MAOB: variants seen among roughly 807,000 people sequenced by gnomAD.
MAOB encodes the protein amine oxidase [flavin-containing] B.
MAOB carries 15 observed loss-of-function variants against 41.9 expected under a neutral mutation model. The ratio of observed to expected loss-of-function variants is 0.36; its 90% CI spans 0.24 to 0.55. The LOEUF is 0.55. MAOB is among the 20% of genes least tolerant of loss of function. MAOB has a pLI of 0.86. For synonymous variants in MAOB, 167 were observed against 144.2 expected, an observed-to-expected ratio of 1.16 and a Z score of -1.13; for missense variants, 345 against 398.7, an observed-to-expected ratio of 0.87 and a Z score of 1.15.
chrX:43,839,080 A>G, intron 2 of MAOB, 75 bp from the exon 3 acceptor site: 2 of 800,244 alleles, frequency 2.5e-6, no homozygotes, highest in East Asian at 3.7e-5. Flanking sequence ...TCCTGAAATA[A>G]GCAAATCGAC....
At position 43,877,955 on chromosome X, in the gene MAOB, GT is replaced by G. The variant is rs993994097; in HGVS notation, c.46+4298del. Among the ~76,000 whole-genome samples, 12 of 112,446 alleles carry G rather than the reference GT, an allele frequency of 1.1e-4. No homozygotes were observed. In the Admixed American group the frequency reaches 1.1e-3, roughly 11 times the overall value. On this transcript the variant is annotated intron_variant, in intron 1 of 14. Coordinates refer to ENST00000378069, the MANE Select transcript of MAOB (RefSeq NM_000898.5). The stretch of plus-strand genomic sequence containing the variant: ...AAGAAGTGATTACATAGAAATGCCT[GT>G]TTTTGCTCCCTTAGATTGAAAAACT...
At chrX:43,812,081 G>A (rs762697450) in intron 3 of MAOB, among the ~76,000 whole-genome samples, 2 of 111,953 alleles carry the variant, frequency 1.8e-5, no homozygotes, top group Non-Finnish European at 3.8e-5. Flanking sequence ...CCACAAATAA[G>A]TGAGAACATG....
At chrX:43,821,202 G>A (rs1392673755) in intron 3 of MAOB, among the ~76,000 whole-genome samples, 1 of 111,911 alleles carries the variant, frequency 8.9e-6, no homozygotes, top group Admixed American at 9.5e-5. Context: ...GTAGAAGAAA[G>A]CTCAGAGCTT....
At chrX:43,856,653 C>A (rs188604604) in intron 1 of MAOB, among the ~76,000 whole-genome samples, 1 of 111,546 alleles carries the variant, frequency 9.0e-6, no homozygotes, top group Admixed American at 9.5e-5. Context: ...TTATATACTG[C>A]ATTCTTACAA....
rs1039932076 is a variant in MAOB at position 43,767,067 on chromosome X, C to T, written c.*399G>A. 4.5e-5 allele frequency: 6 copies of T among 133,004 alleles called. No homozygotes were observed. The highest frequency in any genetic ancestry group is 3.0e-4 in the South Asian group (1 of 3,280). 11.0% of individuals were successfully genotyped at this position (133,004 alleles called of 1,213,427 possible). ...CTGTAACAATACAGTATTCTAAGGA[C>T]GAATGCAAAGAACTAGGGAAGGTGA... On this transcript the variant is annotated 3_prime_UTR_variant, in exon 15 of 15. Coordinates refer to ENST00000378069, the MANE Select transcript of MAOB (RefSeq NM_000898.5).
rs992714706 is a variant in MAOB, at chrX:43,767,257, C to T, written c.*209G>A. The T allele has an allele frequency of 1.9e-5, 7 of 360,309 alleles. No homozygotes were observed. The highest frequency in any genetic ancestry group is 1.8e-4 in the African/African-American group (7 of 38,468). The allele number at this position is 360,309 out of a possible 1,213,427, so 29.7% of individuals were successfully genotyped here. Reference sequence around the variant, plus strand: ...GCAATAAACTTGGAAACTGGTGAAACAGAACGCTAAGCCAGGTAAGGGACA... The same window carrying T: ...GCAATAAACTTGGAAACTGGTGAAATAGAACGCTAAGCCAGGTAAGGGACA... On this transcript the variant is annotated 3_prime_UTR_variant, in exon 15 of 15. Coordinates refer to ENST00000378069, the MANE Select transcript of MAOB (RefSeq NM_000898.5).
chrX:43,800,126 C>T (rs752403539), intron 5 of MAOB, among the ~76,000 whole-genome samples: 2 of 111,083 alleles, frequency 1.8e-5, no homozygotes, highest in African/African-American at 6.5e-5. Flanking sequence ...TTCTTATACT[C>T]CTAGTATCTC....
chrX:43,861,856 CGTGTGTGTGTGTGTGT>C (rs112289658), intron 1 of MAOB, among the ~76,000 whole-genome samples: 3 of 103,162 alleles, frequency 2.9e-5, no homozygotes, highest in African/African-American at 1.1e-4. Context: ...CCAGCTGAAA[CGTGTGTGTGTGTGTGT>C]GTGTGTGTGT....
chrX:43,856,550 T>A (rs1241244485), intron 1 of MAOB, among the ~76,000 whole-genome samples: 10 of 112,041 alleles, frequency 8.9e-5, no homozygotes, highest in African/African-American at 2.3e-4. Flanking sequence ...GTATAACTTT[T>A]GGCTCTCCCA....
At chrX:43,830,620 C>T (rs1469113899) in intron 3 of MAOB, among the ~76,000 whole-genome samples, 1 of 111,113 alleles carries the variant, frequency 9.0e-6, no homozygotes, top group African/African-American at 3.3e-5. Context: ...TATAAGAAGC[C>T]CATGAAAATA....
intron 1 of MAOB, among the ~76,000 whole-genome samples, chrX:43,870,450 G>T (rs901618757): frequency 2.7e-5 from 3 of 111,090 alleles, no homozygotes; most frequent in African/African-American, 9.8e-5. Context: ...ATCCAGAACT[G>T]ATGAGACTAA....
chrX:43,767,421 C>T lies in MAOB; in HGVS notation c.*45G>A. 1 of 1,158,821 alleles carries T rather than the reference C, an allele frequency of 8.6e-7. No homozygotes were observed. Among genetic ancestry groups the T allele is most frequent in the Non-Finnish European group, 1.2e-6 (1 of 858,282 alleles). On this transcript the variant is annotated 3_prime_UTR_variant, in exon 15 of 15. Coordinates refer to ENST00000378069, the MANE Select transcript of MAOB (RefSeq NM_000898.5). ...GCAACTCTTTCCCCAAACTCATATC[C>T]CAAATACAGTAAGAAGAGAGTGTGA...
chrX:43,771,162 A>G (rs2034177273), intron 12 of MAOB, among the ~76,000 whole-genome samples: 1 of 112,266 alleles, frequency 8.9e-6, no homozygotes, highest in African/African-American at 3.2e-5. Flanking sequence ...ATGGTCTCCA[A>G]CGTATAATTG....
rs373072993 is a variant in MAOB, at chrX:43,775,055, GTTT to G, written c.1235+117_1235+119del. 4.4e-3 allele frequency: 2,707 copies of G among 610,334 alleles called. 7 individuals are homozygous for G. Among genetic ancestry groups the G allele is most frequent in the African/African-American group, 0.036 (1,194 of 32,964 alleles). 50.3% of individuals were successfully genotyped at this position (610,334 alleles called of 1,213,427 possible). On this transcript the variant is annotated intron_variant, in intron 12 of 14. Transcript: ENST00000378069. ...CATAAGATACAAAGGAAATTGGGTTGTTTTTTTTTTTTTTTTTTGTATTTATAA... is the reference window on the plus strand; with the variant it reads ...CATAAGATACAAAGGAAATTGGGTTGTTTTTTTTTTTTTTTGTATTTATAA...
rs980128576 is a variant in MAOB, at chrX:43,797,859, C to A, written c.477-593G>T. ...ATGATGCTCTCTCTGAAGTATAAATCAAATCATGTCATTTTCTTGCTTAAA... is the reference window on the plus strand; with the variant it reads ...ATGATGCTCTCTCTGAAGTATAAATAAAATCATGTCATTTTCTTGCTTAAA... On this transcript the variant is annotated intron_variant, in intron 5 of 14. Coordinates refer to ENST00000378069, the MANE Select transcript of MAOB (RefSeq NM_000898.5). Among the ~76,000 whole-genome samples, 13 of 111,781 alleles carry A rather than the reference C, an allele frequency of 1.2e-4. 1 individual carries two copies. Among genetic ancestry groups the A allele is most frequent in the Non-Finnish European group, 1.7e-4 (9 of 53,189 alleles).
At chrX:43,769,639 G>T (rs988313011) in intron 12 of MAOB, among the ~76,000 whole-genome samples, 4 of 111,832 alleles carry the variant, frequency 3.6e-5, no homozygotes, top group African/African-American at 1.3e-4. Flanking sequence ...ACCAAGAGTT[G>T]CAGGTGAAGG....
At chrX:43,826,980 C>T (rs183932937) in intron 3 of MAOB, among the ~76,000 whole-genome samples, 8 of 111,600 alleles carry the variant, frequency 7.2e-5, no homozygotes, top group Non-Finnish European at 1.1e-4. Flanking sequence ...AAAACAAATA[C>T]ATGTATAATA....
intron 3 of MAOB, among the ~76,000 whole-genome samples, chrX:43,829,104 C>T (rs955922562): frequency 1.2e-4 from 13 of 111,823 alleles, no homozygotes; most frequent in African/African-American, 3.9e-4. Context: ...AGCAACTGCC[C>T]TTAACATTTG....
Position 43,775,174 on chromosome X carries a change from C to T in MAOB, c.1235+1G>A. On this transcript the variant is annotated splice_donor_variant, in intron 12 of 14. Coordinates refer to ENST00000378069, the MANE Select transcript of MAOB (RefSeq NM_000898.5). LOFTEE classifies it high-confidence loss of function. ...AACAGCTTAGCATGCTTTTACTCTA[C>T]CTTCCATATTGAGTCAGGATCCCAG... 1 of 1,172,224 alleles carries T rather than the reference C, an allele frequency of 8.5e-7. No individual in the cohort carries two copies. Among genetic ancestry groups the T allele is most frequent in the Non-Finnish European group, 1.1e-6 (1 of 876,881 alleles).
Sources: allele counts gnomAD v4.1 joint callset (sites outside exome capture counted in the v4.1 genomes callset), GRCh38; gene constraint gnomAD v4.1.1; transcripts MANE v1.5; gene names NCBI Gene and HGNC (gene_info 2026-07-23, HGNC 2026-07-21).